Variants in KCNJ16 observed in about 807,000 individuals in gnomAD.
KCNJ16 encodes potassium inwardly rectifying channel subfamily J member 16, also known as inward rectifier potassium channel 16.
A neutral mutation model predicts 18.5 loss-of-function variants in KCNJ16; 15 were observed. The observed-to-expected ratio is 0.81, with a 90% CI of 0.54 to 1.25. The LOEUF (loss-of-function observed/expected upper bound fraction) is 1.25, where lower values mean the gene tolerates loss of function less well. Among genes scored for constraint, KCNJ16 ranks in the 50% most tolerant of loss-of-function variants. The probability of loss-of-function intolerance (pLI) is 0.00; values close to 1 mark genes in which losing one functional copy is unlikely to be tolerated. For missense variants in KCNJ16, 523 were observed against 525.7 expected (o/e 0.99, Z 0.05); for synonymous variants, 174 against 186.5 (o/e 0.93, Z 0.55).
At chr17:70,080,048 TAAAGAG>T (rs968594215) in intron 1 of KCNJ16, among the ~76,000 whole-genome samples, 35 of 152,306 alleles carry the variant, frequency 2.3e-4, no homozygotes, top group Non-Finnish European at 4.3e-4. Flanking sequence ...GCAACTTGGT[TAAAGAG>T]AAAAAGATTT....
chr17:70,082,941 T>C (rs552827417), intron 1 of KCNJ16, among the ~76,000 whole-genome samples: 2 of 152,250 alleles, frequency 1.3e-5, no homozygotes, highest in African/African-American at 4.8e-5. Flanking sequence ...CACCATCAGT[T>C]TCTTCATCTA....
chr17:70,132,284 T>C lies in KCNJ16; in HGVS notation c.197T>C (p.Val66Ala). ...SYVVDIFTTL[V>A]DTKWRHMFVI... is the part of the protein sequence containing the mutation. ...GTGGTTGACATCTTCACCACTCTTG[T>C]GGACACCAAGTGGCGCCATATGTTT... Residue 66 changes from valine (V) to alanine (A), a missense_variant, in exon 4 of 4, where the codon GTG becomes GCG. Val to Ala is a moderately conservative substitution (Grantham distance 64). Transcript: ENST00000392671. 6.2e-7 allele frequency: 1 copy of C among 1,614,242 alleles called. No homozygotes were observed. Among genetic ancestry groups the C allele is most frequent in the African/African-American group, 1.3e-5 (1 of 75,070 alleles).
At chr17:70,099,911 A>G (rs1331193073) in intron 1 of KCNJ16, among the ~76,000 whole-genome samples, 1 of 152,224 alleles carries the variant, frequency 6.6e-6, no homozygotes, top group Non-Finnish European at 1.5e-5. Context: ...TTTGAAATCT[A>G]TTAGGATAAT....
At chr17:70,087,563 C>T in intron 1 of KCNJ16, among the ~76,000 whole-genome samples, 1 of 151,456 alleles carries the variant, frequency 6.6e-6, no homozygotes, top group African/African-American at 2.4e-5. Context: ...TAAAATTAGC[C>T]GGTTGTGGTG....
At chr17:70,097,532 T>A (rs1262773314) in intron 1 of KCNJ16, among the ~76,000 whole-genome samples, 1 of 152,152 alleles carries the variant, frequency 6.6e-6, no homozygotes, top group African/African-American at 2.4e-5. Flanking sequence ...AACATACATA[T>A]TCTATTAGAT....
intron 1 of KCNJ16, among the ~76,000 whole-genome samples, chr17:70,095,991 T>A (rs2072353268): frequency 7.1e-6 from 1 of 140,562 alleles, no homozygotes; most frequent in South Asian, 2.5e-4. Flanking sequence ...CACACCATTC[T>A]CCTGCCTCAG....
chr17:70,103,315 T>C (rs1161880471), intron 2 of KCNJ16, among the ~76,000 whole-genome samples: 87 of 20,836 alleles, frequency 4.2e-3, no homozygotes, highest in Non-Finnish European at 6.8e-3. Flanking sequence ...TATATATATA[T>C]ATATATACAC....
At chr17:70,099,791 A>G (rs1875397301) in intron 1 of KCNJ16, among the ~76,000 whole-genome samples, 1 of 152,216 alleles carries the variant, frequency 6.6e-6, no homozygotes, top group Non-Finnish European at 1.5e-5. Flanking sequence ...GACCCAAACC[A>G]AAATCCTTAT....
intron 3 of KCNJ16, chr17:70,131,239 A>C (rs2074048959): frequency 1.3e-6 from 1 of 759,952 alleles, no homozygotes; most frequent in Non-Finnish European, 1.9e-6. Flanking sequence ...AAAAAGGATG[A>C]ATGTTATGAG....
chr17:70,113,983 G>A (rs181804277), intron 2 of KCNJ16, among the ~76,000 whole-genome samples: 1 of 152,198 alleles, frequency 6.6e-6, no homozygotes, highest in Non-Finnish European at 1.5e-5. Flanking sequence ...AATCTCATGT[G>A]ACAAGCAACA....
Position 70,120,796 on chromosome 17 carries a change from G to T in KCNJ16, c.-190-10083G>T, listed in dbSNP as rs573136973. On this transcript the variant is annotated intron_variant, in intron 2 of 3. Coordinates refer to ENST00000392671, the MANE Select transcript of KCNJ16 (RefSeq NM_170741.4). ...CGGCAACCCCACCTTCAGCATTAGG[G>T]ATTACAACTCAACATGAGATTTGGG... Among the ~76,000 whole-genome samples, 34 of 152,242 alleles carry T rather than the reference G, an allele frequency of 2.2e-4. No individual in the cohort carries two copies. In the South Asian group the frequency reaches 3.9e-3, roughly 18 times the overall value.
rs991679554 is a variant in KCNJ16, at chr17:70,133,902, G to A, written c.*558G>A. On this transcript the variant is annotated 3_prime_UTR_variant, in exon 4 of 4. Coordinates refer to ENST00000392671, the MANE Select transcript of KCNJ16 (RefSeq NM_170741.4). ...CCGTCTTGGTTTCAGCGAGCATAGC[G>A]AGTGGCTGTAAGAAATTGTCCATGC... 4.8e-5 allele frequency: 8 copies of A among 167,362 alleles called. No individual in the cohort carries two copies. The highest frequency in any genetic ancestry group is 1.9e-4 in the African/African-American group (8 of 41,460). 10.4% of individuals were successfully genotyped at this position (167,362 alleles called of 1,614,324 possible). A position where few individuals can be genotyped will look rare whatever the true frequency, so the allele number is the denominator to read the frequency against.
At chr17:70,088,401 T>A (rs1328242762) in intron 1 of KCNJ16, among the ~76,000 whole-genome samples, 1 of 152,210 alleles carries the variant, frequency 6.6e-6, no homozygotes. Flanking sequence ...ATGGTAATGC[T>A]GGATGTCTGC....
At chr17:70,125,935 A>C (rs77585677) in intron 2 of KCNJ16, among the ~76,000 whole-genome samples, 8,398 of 152,180 alleles carry the variant, frequency 0.055, 791 homozygotes, top group African/African-American at 0.19. Flanking sequence ...CGTCTCAAAA[A>C]AAAAAAGAAA....
chr17:70,100,371 G>A (rs935826502), intron 1 of KCNJ16, among the ~76,000 whole-genome samples: 4 of 152,026 alleles, frequency 2.6e-5, no homozygotes, highest in South Asian at 2.1e-4. Flanking sequence ...CAAGATCAAC[G>A]CCTTTCATTT....
chr17:70,091,170 GAGT>G (rs1304802416), intron 1 of KCNJ16, among the ~76,000 whole-genome samples: 34 of 152,110 alleles, frequency 2.2e-4, no homozygotes, highest in African/African-American at 8.2e-4. Flanking sequence ...CACCAATCAT[GAGT>G]AGGTCCTCCT....
intron 1 of KCNJ16, among the ~76,000 whole-genome samples, chr17:70,094,067 G>A (rs1010545448): frequency 1.3e-5 from 2 of 152,118 alleles, no homozygotes; most frequent in African/African-American, 2.4e-5. Context: ...TTTAAATTGC[G>A]ATTTGGTATT....
At chr17:70,116,421 T>C (rs2073407505) in intron 2 of KCNJ16, among the ~76,000 whole-genome samples, 1 of 152,292 alleles carries the variant, frequency 6.6e-6, no homozygotes, top group South Asian at 2.1e-4. Flanking sequence ...TCCGTAATAA[T>C]TTCTTTAGAA....
chr17:70,081,003 C>T (rs753925781), intron 1 of KCNJ16, among the ~76,000 whole-genome samples: 4 of 152,164 alleles, frequency 2.6e-5, no homozygotes, highest in South Asian at 2.1e-4. Flanking sequence ...TGAATGAATT[C>T]GGTTCTTAGC....
Sources: allele counts gnomAD v4.1 joint callset (sites outside exome capture counted in the v4.1 genomes callset), GRCh38; gene constraint gnomAD v4.1.1; transcripts MANE v1.5; gene names NCBI Gene and HGNC (gene_info 2026-07-23, HGNC 2026-07-21).